Variants in NRXN3 observed in about 807,000 individuals in gnomAD.
NRXN3 encodes neurexin III.
A neutral mutation model predicts 137.6 loss-of-function variants in NRXN3; 32 were observed. That is an observed-to-expected ratio of 0.23 (90% CI 0.18 to 0.31). The LOEUF (loss-of-function observed/expected upper bound fraction) is 0.31, where lower values mean the gene tolerates loss of function less well. Among genes scored for constraint, NRXN3 ranks in the 10% least tolerant of loss-of-function variants. The probability of loss-of-function intolerance (pLI) is 1.00; values close to 1 mark genes in which losing one functional copy is unlikely to be tolerated. For missense variants in NRXN3, 1,574 were observed against 2,062.5 expected (o/e 0.76, Z 4.59); for synonymous variants, 798 against 784.5 (o/e 1.02, Z -0.29).
chr14:79,847,646 T>C (rs2141629304), intron 20 of NRXN3, among the ~76,000 whole-genome samples: 1 of 152,294 alleles, frequency 6.6e-6, no homozygotes, highest in Middle Eastern at 3.4e-3. Context: ...TTAGCTATAT[T>C]TTATGAGCTC....
chr14:79,105,928 T>G (rs1311440129), intron 15 of NRXN3, among the ~76,000 whole-genome samples: 2 of 152,150 alleles, frequency 1.3e-5, no homozygotes, highest in African/African-American at 4.8e-5. Context: ...TTATTACTAC[T>G]ACTACTTTTC....
At chr14:78,660,029 T>C (rs1274629119) in intron 6 of NRXN3, among the ~76,000 whole-genome samples, 2 of 151,938 alleles carry the variant, frequency 1.3e-5, no homozygotes, top group South Asian at 4.1e-4. Flanking sequence ...AGGGATACAT[T>C]TGAGGCTTAT....
chr14:78,510,427 A>C (rs2096081827), intron 4 of NRXN3, among the ~76,000 whole-genome samples: 2 of 152,118 alleles, frequency 1.3e-5, no homozygotes, highest in African/African-American at 4.8e-5. Flanking sequence ...AATCCTCACT[A>C]TTAAATTTTG....
At chr14:79,813,823 G>A (rs989464237) in intron 20 of NRXN3, among the ~76,000 whole-genome samples, 3 of 152,002 alleles carry the variant, frequency 2.0e-5, no homozygotes, top group East Asian at 1.9e-4. Flanking sequence ...TAATTGAAAA[G>A]ATAAGAGTCA....
chr14:78,598,200 C>T (rs1398297026), intron 4 of NRXN3, among the ~76,000 whole-genome samples: 1 of 152,154 alleles, frequency 6.6e-6, no homozygotes, highest in African/African-American at 2.4e-5. Flanking sequence ...GAGCCAGAGG[C>T]GTGGATGTGA....
chr14:78,938,583 T>A (rs1379892552), intron 10 of NRXN3, among the ~76,000 whole-genome samples: 4 of 151,230 alleles, frequency 2.6e-5, no homozygotes, highest in South Asian at 2.1e-4. Context: ...ACATTAGGAT[T>A]TTTTTTTCCC....
chr14:79,423,664 G>A (rs1002155613), intron 15 of NRXN3, among the ~76,000 whole-genome samples: 1 of 152,154 alleles, frequency 6.6e-6, no homozygotes, highest in Non-Finnish European at 1.5e-5. Flanking sequence ...GAAAGCGTCG[G>A]TTGCTCTCAT....
chr14:78,413,228 G>T (rs1361950797), intron 4 of NRXN3, among the ~76,000 whole-genome samples: 4 of 152,176 alleles, frequency 2.6e-5, no homozygotes, highest in Non-Finnish European at 5.9e-5. Flanking sequence ...ATCCACAGAG[G>T]AGCTGAGCAT....
chr14:78,730,648 A>G lies in NRXN3; in HGVS notation c.2044+15509A>G, dbSNP rs141273612. ...AAGTGGTATCTGGTTGAAGGGGAGGACAGGCCCCTAAGGCCTCTTTGAGCA... is the reference window on the plus strand; with the variant it reads ...AAGTGGTATCTGGTTGAAGGGGAGGGCAGGCCCCTAAGGCCTCTTTGAGCA... On this transcript the variant is annotated intron_variant, in intron 8 of 20. Transcript: ENST00000335750. Among the ~76,000 whole-genome samples the G allele has an allele frequency of 6.3e-3, 962 of 152,256 alleles. 12 individuals carry two copies. The highest frequency in any genetic ancestry group is 0.022 in the African/African-American group (923 of 41,554).
At chr14:78,819,796 T>C (rs908957402) in intron 10 of NRXN3, among the ~76,000 whole-genome samples, 3 of 152,176 alleles carry the variant, frequency 2.0e-5, no homozygotes, top group African/African-American at 7.2e-5. Flanking sequence ...GAAAACAGAA[T>C]GTAAGCTCAA....
At chr14:79,609,002 T>A (rs2098063082) in intron 16 of NRXN3, among the ~76,000 whole-genome samples, 1 of 152,152 alleles carries the variant, frequency 6.6e-6, no homozygotes, top group East Asian at 1.9e-4. Flanking sequence ...ACTACATCCC[T>A]CAAAGAGCAG....
intron 16 of NRXN3, among the ~76,000 whole-genome samples, chr14:79,629,366 C>T (rs867080297): frequency 2.6e-5 from 4 of 152,178 alleles, no homozygotes; most frequent in African/African-American, 9.7e-5. Context: ...TCTTCCCTTA[C>T]ACTTGAATGA....
At chr14:79,514,897 G>A (rs2096967556) in intron 16 of NRXN3, among the ~76,000 whole-genome samples, 1 of 141,622 alleles carries the variant, frequency 7.1e-6, no homozygotes, top group Non-Finnish European at 1.5e-5. Flanking sequence ...ATTCTGTCTA[G>A]GGGGTAATGT....
intron 16 of NRXN3, among the ~76,000 whole-genome samples, chr14:79,596,063 G>C (rs930760188): frequency 6.0e-5 from 9 of 149,030 alleles, no homozygotes; most frequent in Non-Finnish European, 1.2e-4. Flanking sequence ...TTTTTTTTTG[G>C]TCTTTTATGA....
At position 78,770,352 on chromosome 14, in the gene NRXN3, G is replaced by T. The variant is rs141751458; in HGVS notation, c.2045-33268G>T. 2.2e-3 allele frequency among the ~76,000 whole-genome samples: 337 copies of T among 152,306 alleles called. 2 individuals carry two copies. The highest frequency in any genetic ancestry group is 7.7e-3 in the African/African-American group (321 of 41,568). ...GGAATTCAGCTCCTTGGTGCTGAGG[G>T]CTTAGCCATGATTCCTTTCAGAGTG... On this transcript the variant is annotated intron_variant, in intron 8 of 20. Transcript: ENST00000335750.
intron 15 of NRXN3, among the ~76,000 whole-genome samples, chr14:79,419,606 GGA>G (rs142706684): frequency 2.0e-5 from 3 of 151,712 alleles, no homozygotes; most frequent in Non-Finnish European, 2.9e-5. Context: ...TTTAAAGAGG[GGA>G]GAGAGAGAGA....
chr14:79,852,722 G>A (rs1207610465), intron 20 of NRXN3, among the ~76,000 whole-genome samples: 3 of 152,044 alleles, frequency 2.0e-5, no homozygotes, highest in Admixed American at 1.3e-4. Context: ...CAAAAAAAAC[G>A]TGTCCCCTGA....
intron 10 of NRXN3, among the ~76,000 whole-genome samples, chr14:78,934,411 C>T: frequency 6.6e-6 from 1 of 152,078 alleles, no homozygotes; most frequent in East Asian, 1.9e-4. Context: ...TGAAGAGAAC[C>T]CAGGGGGTGT....
At chr14:78,948,628 C>CTTTTTTTTTTTTTTTTTTT (rs201010514) in intron 10 of NRXN3, among the ~76,000 whole-genome samples, 4 of 108,604 alleles carry the variant, frequency 3.7e-5, no homozygotes, top group Non-Finnish European at 3.8e-5. Context: ...ACACATTTAA[C>CTTTTTTTTTTTTTTTTTTT]TTTTTTTTTT....
Sources: gnomAD v4.1 joint callset for allele counts (sites outside exome capture counted in the v4.1 genomes callset) on GRCh38, gnomAD v4.1.1 for gene constraint, MANE v1.5 for transcripts, NCBI Gene and HGNC (gene_info 2026-07-23, HGNC 2026-07-21) for gene names.